The following SLC25A20 variants were observed in gnomAD, a reference collection of about 807,000 sequenced individuals.
The protein encoded by SLC25A20 is solute carrier family 25 member 20, also known as mitochondrial carnitine/acylcarnitine carrier protein.
A neutral mutation model predicts 39.7 loss-of-function variants in SLC25A20; 29 were observed. That is an observed-to-expected ratio of 0.73 (90% CI 0.54 to 1.00). The LOEUF (loss-of-function observed/expected upper bound fraction) is 1.00. Among genes scored for constraint, SLC25A20 ranks in the 50% least tolerant of loss-of-function variants. The pLI is 0.00. For synonymous variants in SLC25A20, 103 were observed against 142.2 expected, an observed-to-expected ratio of 0.72 and a Z score of 1.96; for missense variants, 333 against 379.9, an observed-to-expected ratio of 0.88 and a Z score of 1.03.
intron 7 of SLC25A20, 73 bp from the exon 8 acceptor site, chr3:48,858,704 G>T: frequency 6.3e-7 from 1 of 1,594,028 alleles, no homozygotes; most frequent in Non-Finnish European, 8.6e-7. Flanking sequence ...GAAGGGTCAG[G>T]ACTAGCACAG....
At chr3:48,862,688 A>G (rs1336197610) in intron 4 of SLC25A20, 29 bp from the exon 5 acceptor site, 2 of 1,459,210 alleles carry the variant, frequency 1.4e-6, no homozygotes, top group South Asian at 2.3e-5. Flanking sequence ...TCATTAAGTC[A>G]GAAACATCAG....
intron 1 of SLC25A20, 22 bp downstream of exon 1, chr3:48,898,668 C>T (rs781061320): frequency 5.7e-6 from 9 of 1,579,216 alleles, no homozygotes; most frequent in Non-Finnish European, 8.6e-7. Context: ...CTCCCCAAAG[C>T]CTGCGACCCA....
chr3:48,880,242 C>G (rs957664063), intron 3 of SLC25A20, among the ~76,000 whole-genome samples: 1 of 152,092 alleles, frequency 6.6e-6, no homozygotes, highest in Non-Finnish European at 1.5e-5. Context: ...GTCTGTGCCA[C>G]CTCTGGCATC....
Position 48,894,127 on chromosome 3 carries a change from C to T in SLC25A20, c.106-2055G>A, listed in dbSNP as rs1383892331. On this transcript the variant is annotated intron_variant, in intron 1 of 8. Transcript: ENST00000319017. ...GGTGAGTCAAAATCGCACCTTTGCA[C>T]TTCAGCCTGGGCAAGAGTGAGACTC... Among the ~76,000 whole-genome samples the T allele has an allele frequency of 7.6e-5, 11 of 143,924 alleles. No homozygotes were observed. In the East Asian group the frequency reaches 2.4e-3, roughly 31 times the overall value. The allele number at this position is 143,924 out of a possible 152,430, so 94.4% of individuals were successfully genotyped here.
At chr3:48,872,011 T>TTTA (rs1195879549) in intron 4 of SLC25A20, among the ~76,000 whole-genome samples, 1 of 146,052 alleles carries the variant, frequency 6.8e-6, no homozygotes, top group African/African-American at 2.5e-5. Context: ...TTTTTTTTTT[T>TTTA]AGAGATGGGG....
intron 5 of SLC25A20, among the ~76,000 whole-genome samples, chr3:48,861,170 C>G (rs1216504674): frequency 6.6e-6 from 1 of 151,970 alleles, no homozygotes; most frequent in African/African-American, 2.4e-5. Context: ...TTTACCCAGG[C>G]TGGTCTCAAA....
At chr3:48,887,440 C>A (rs985801139) in intron 2 of SLC25A20, among the ~76,000 whole-genome samples, 1 of 152,186 alleles carries the variant, frequency 6.6e-6, no homozygotes, top group Non-Finnish European at 1.5e-5. Flanking sequence ...CAGCACATTG[C>A]CCACCCCTAG....
intron 4 of SLC25A20, among the ~76,000 whole-genome samples, chr3:48,870,957 C>T (rs754074090): frequency 6.6e-6 from 1 of 151,552 alleles, no homozygotes; most frequent in South Asian, 2.1e-4. Context: ...ACCAGAGTAG[C>T]TGGGATTACA....
rs1262503200 is a variant in SLC25A20, at chr3:48,882,615, T to G, written c.326+1382A>C. On this transcript the variant is annotated intron_variant, in intron 3 of 8. Transcript: ENST00000319017. ...GCTTACACCTGTAATCCTAGCACTG[T>G]GGGAGGCCAAGGCAAGAGAATTGCT... 2.4e-4 allele frequency among the ~76,000 whole-genome samples: 37 copies of G among 152,146 alleles called. 1 individual carries two copies. The highest frequency in any genetic ancestry group is 2.4e-3 in the Admixed American group (36 of 15,264).
intron 2 of SLC25A20, among the ~76,000 whole-genome samples, chr3:48,884,570 G>A (rs541262903): frequency 5.4e-4 from 82 of 152,118 alleles, no homozygotes; most frequent in African/African-American, 1.9e-3. Context: ...AGCTGGTCTC[G>A]AACTCCTGGG....
intron 7 of SLC25A20, 106 bp downstream of exon 7, chr3:48,858,986 G>A: frequency 2.3e-6 from 2 of 870,162 alleles, no homozygotes; most frequent in Non-Finnish European, 1.9e-6. Flanking sequence ...GCTAGGTGCT[G>A]CCATGGAGAG....
At chr3:48,864,950 C>A (rs1445475801) in intron 4 of SLC25A20, among the ~76,000 whole-genome samples, 3 of 151,988 alleles carry the variant, frequency 2.0e-5, no homozygotes, top group African/African-American at 4.8e-5. Context: ...GGGCTATAAT[C>A]CTGAATAATT....
chr3:48,878,386 T>A (rs2083777893), intron 4 of SLC25A20, among the ~76,000 whole-genome samples: 1 of 151,526 alleles, frequency 6.6e-6, no homozygotes, highest in African/African-American at 2.4e-5. Context: ...CAGACTGAAG[T>A]GCAGTGGCAC....
intron 4 of SLC25A20, among the ~76,000 whole-genome samples, chr3:48,870,263 T>A (rs184778308): frequency 4.1e-4 from 62 of 152,006 alleles, no homozygotes; most frequent in Admixed American, 1.3e-3. Context: ...TAGCCAAGGG[T>A]GATGGCATGA....
intron 4 of SLC25A20, among the ~76,000 whole-genome samples, chr3:48,875,520 G>A (rs146367443): frequency 1.1e-4 from 16 of 151,520 alleles, no homozygotes; most frequent in South Asian, 1.0e-3. Flanking sequence ...AGCAATTCTC[G>A]TGCCTCAGCC....
intron 1 of SLC25A20, 24 bp from the exon 2 acceptor site, chr3:48,892,096 G>A (rs2106665969): frequency 6.3e-7 from 1 of 1,590,892 alleles, no homozygotes; most frequent in Middle Eastern, 1.7e-4. Context: ...TTAAAATGCA[G>A]TCACCTACCA....
intron 4 of SLC25A20, among the ~76,000 whole-genome samples, chr3:48,871,365 A>AAGTGGG (rs1298886217): frequency 6.6e-6 from 1 of 151,988 alleles, no homozygotes; most frequent in Non-Finnish European, 1.5e-5. Context: ...AAAGAGAATC[A>AAGTGGG]AGTGGGAGGA....
chr3:48,895,999 G>A (rs1180397353), intron 1 of SLC25A20, among the ~76,000 whole-genome samples: 1 of 151,886 alleles, frequency 6.6e-6, no homozygotes, highest in Non-Finnish European at 1.5e-5. Context: ...AATTAGCCAG[G>A]CATGGTGGTG....
intron 8 of SLC25A20, 97 bp from the exon 9 acceptor site, chr3:48,857,869 C>T (rs2083592115): frequency 1.8e-6 from 2 of 1,088,856 alleles, no homozygotes; most frequent in Non-Finnish European, 2.8e-6. Context: ...AGGACCAGAG[C>T]CCCTCCCTAA....
Sources: allele counts gnomAD v4.1 joint callset (sites outside exome capture counted in the v4.1 genomes callset), GRCh38; gene constraint gnomAD v4.1.1; transcripts MANE v1.5; gene names NCBI Gene and HGNC (gene_info 2026-07-23, HGNC 2026-07-21).